The following THSD4 variants were observed in gnomAD, a reference collection of about 807,000 sequenced individuals.
THSD4 encodes thrombospondin type 1 domain containing 4, also known as thrombospondin type-1 domain-containing protein 4.
In THSD4, 69 loss-of-function variants were observed where a neutral mutation model predicts 119.0. The ratio of observed to expected loss-of-function variants is 0.58; its 90% CI spans 0.48 to 0.71. The LOEUF (loss-of-function observed/expected upper bound fraction) is 0.71, where lower values mean the gene tolerates loss of function less well. Among genes scored for constraint, THSD4 ranks in the 30% least tolerant of loss-of-function variants. THSD4 has a pLI of 0.00. For missense variants in THSD4, 1,393 were observed against 1,391.1 expected (o/e 1.00, Z -0.02); for synonymous variants, 524 against 540.4 (o/e 0.97, Z 0.42).
intron 6 of THSD4, among the ~76,000 whole-genome samples, chr15:71,383,757 C>T (rs1052790573): frequency 8.5e-5 from 13 of 152,104 alleles, no homozygotes; most frequent in African/African-American, 3.1e-4. Context: ...ACAATACAAT[C>T]GTAAAGAGTC....
intron 6 of THSD4, among the ~76,000 whole-genome samples, chr15:71,410,467 T>C (rs1324403562): frequency 6.6e-6 from 1 of 152,142 alleles, no homozygotes; most frequent in African/African-American, 2.4e-5. Flanking sequence ...AAGGAACAGT[T>C]AAGCAACGGC....
At chr15:71,773,749 T>C (rs1280860382) in intron 17 of THSD4, among the ~76,000 whole-genome samples, 4 of 152,198 alleles carry the variant, frequency 2.6e-5, no homozygotes, top group Admixed American at 2.6e-4. Flanking sequence ...AAGGCTCAAG[T>C]GCACATTTTG....
intron 7 of THSD4, among the ~76,000 whole-genome samples, chr15:71,450,572 T>A (rs1047741268): frequency 1.3e-5 from 2 of 152,206 alleles, no homozygotes; most frequent in African/African-American, 4.8e-5. Flanking sequence ...TCTTATAGCA[T>A]CCAAGGTTAT....
At chr15:71,270,863 C>T (rs2044520724) in intron 6 of THSD4, among the ~76,000 whole-genome samples, 1 of 147,176 alleles carries the variant, frequency 6.8e-6, no homozygotes, top group South Asian at 2.1e-4. Flanking sequence ...ATGTAGAAGG[C>T]ATATTAGGAG....
intron 8 of THSD4, among the ~76,000 whole-genome samples, chr15:71,663,251 C>CAAA (rs59067309): frequency 3.4e-5 from 5 of 146,344 alleles, no homozygotes; most frequent in African/African-American, 1.3e-4. Flanking sequence ...GACACTATAT[C>CAAA]AAAAAAAAAA....
chr15:71,493,547 C>A (rs1226290863), intron 7 of THSD4, among the ~76,000 whole-genome samples: 1 of 152,114 alleles, frequency 6.6e-6, no homozygotes, highest in African/African-American at 2.4e-5. Context: ...TTGCTGTGGG[C>A]CATATGACTA....
Position 71,705,352 on chromosome 15 carries a change from A to G in THSD4, c.1358-23197A>G, listed in dbSNP as rs144765270. Among the ~76,000 whole-genome samples the G allele has an allele frequency of 7.9e-5, 12 of 152,040 alleles. No individual in the cohort carries two copies. In the East Asian group the frequency reaches 2.3e-3, roughly 29 times the overall value. On this transcript the variant is annotated intron_variant, in intron 8 of 17. Coordinates refer to ENST00000261862, the MANE Select transcript of THSD4 (RefSeq NM_024817.3). ...GCACACCGCAACTAACAAAACTAAA[A>G]CCCCACAGATAACCAGACCCACATT...
chr15:71,556,313 T>C (rs1192175675), intron 7 of THSD4, among the ~76,000 whole-genome samples: 1 of 152,216 alleles, frequency 6.6e-6, no homozygotes, highest in Non-Finnish European at 1.5e-5. Flanking sequence ...TTTGACATTT[T>C]CTAATAAAGT....
intron 7 of THSD4, among the ~76,000 whole-genome samples, chr15:71,451,831 G>T (rs1396527093): frequency 6.6e-6 from 1 of 152,154 alleles, no homozygotes; most frequent in African/African-American, 2.4e-5. Context: ...TTTTGGTCCT[G>T]AGGAAAGAGG....
intron 7 of THSD4, among the ~76,000 whole-genome samples, chr15:71,611,445 A>G (rs1365137527): frequency 6.6e-6 from 1 of 152,166 alleles, no homozygotes; most frequent in Non-Finnish European, 1.5e-5. Flanking sequence ...AAAAACCCCT[A>G]TGCTAATTCT....
chr15:71,238,277 T>A (rs140514099), intron 4 of THSD4, among the ~76,000 whole-genome samples: 92 of 152,356 alleles, frequency 6.0e-4, no homozygotes, highest in African/African-American at 2.1e-3. Context: ...AACATCCTTG[T>A]AAGTAAACAT....
intron 6 of THSD4, among the ~76,000 whole-genome samples, chr15:71,328,696 G>C (rs1337879051): frequency 6.6e-6 from 1 of 152,164 alleles, no homozygotes; most frequent in Non-Finnish European, 1.5e-5. Context: ...TAAATGTGCT[G>C]AATCAGACAG....
At chr15:71,348,398 TCTG>T (rs1302816940) in intron 6 of THSD4, 6 of 152,260 alleles carry the variant, frequency 3.9e-5, no homozygotes, top group Admixed American at 6.5e-5. Context: ...GCCCCGAATG[TCTG>T]CCATATGGAA....
intron 7 of THSD4, among the ~76,000 whole-genome samples, chr15:71,618,161 A>T (rs938604214): frequency 1.3e-5 from 2 of 152,230 alleles, no homozygotes; most frequent in African/African-American, 4.8e-5. Flanking sequence ...TTAAGTTTTC[A>T]TAAAAATTCT....
chr15:71,525,220 A>C (rs1387253062), intron 7 of THSD4, among the ~76,000 whole-genome samples: 1 of 152,204 alleles, frequency 6.6e-6, no homozygotes, highest in Admixed American at 6.5e-5. Context: ...GATAGGTACC[A>C]TCAATCATCT....
At position 71,736,050 on chromosome 15, in the gene THSD4, T is replaced by C. The variant is rs550300247; in HGVS notation, c.1631-1682T>C. Reference sequence around the variant, plus strand: ...TTCTCTGTCTCTCCTGCTCTCTTGCTTTCTGTCTCTATCTCTCTGTCTCTC... The same window carrying C: ...TTCTCTGTCTCTCCTGCTCTCTTGCCTTCTGTCTCTATCTCTCTGTCTCTC... On this transcript the variant is annotated intron_variant, in intron 10 of 17. Transcript: ENST00000261862. Among the ~76,000 whole-genome samples the C allele has an allele frequency of 2.0e-5, 3 of 146,870 alleles. No homozygotes were observed. In the East Asian group the frequency reaches 6.5e-4, roughly 32 times the overall value.
At chr15:71,112,309 T>TG (rs1567128435), upstream of THSD4, 1 of 1,352,426 alleles carries the variant, frequency 7.4e-7, no homozygotes. Flanking sequence ...GACAAGAGAA[T>TG]GAAGGGGGGT....
At chr15:71,628,770 G>C (rs1471364565) in intron 7 of THSD4, among the ~76,000 whole-genome samples, 1 of 152,184 alleles carries the variant, frequency 6.6e-6, no homozygotes, top group Non-Finnish European at 1.5e-5. Context: ...TCTTCCCCAG[G>C]TGAGAAAACA....
rs398070698 is a variant in THSD4, at chr15:71,590,349, T to TGAC, written c.1153-70181_1153-70180insGAC. On this transcript the variant is annotated intron_variant, in intron 7 of 17. Transcript: ENST00000261862. Reference sequence around the variant, plus strand: ...GCCGTGTGGACCTGGACTAGGTTGATAGGAATAGGCCATTCTCATTATGCA... The same window carrying TGAC: ...GCCGTGTGGACCTGGACTAGGTTGATGACAGGAATAGGCCATTCTCATTATGCA... 1.5e-5 allele frequency among the ~76,000 whole-genome samples: 2 copies of TGAC among 135,084 alleles called. 1 individual carries two copies. The highest frequency in any genetic ancestry group is 4.3e-4 in the East Asian group (2 of 4,610). The allele number at this position is 135,084 out of a possible 152,430, so 88.6% of individuals were successfully genotyped here. A position where few individuals can be genotyped will look rare whatever the true frequency, so the allele number is the denominator to read the frequency against.
Sources: allele counts gnomAD v4.1 joint callset (sites outside exome capture counted in the v4.1 genomes callset), GRCh38; gene constraint gnomAD v4.1.1; transcripts MANE v1.5; gene names NCBI Gene and HGNC (gene_info 2026-07-23, HGNC 2026-07-21).